RALYL: variants seen among roughly 807,000 people sequenced by gnomAD.
RALYL encodes the protein RALY RNA binding protein like, also known as RNA-binding Raly-like protein.
Under a neutral mutation model 35.1 loss-of-function variants are expected in RALYL, and 29 were observed. That is an observed-to-expected ratio of 0.83 (90% CI 0.61 to 1.13). RALYL has a LOEUF of 1.13. Among genes scored for constraint, RALYL ranks in the 50% most tolerant of loss-of-function variants. The pLI is 0.00. For missense variants in RALYL, 359 were observed against 360.4 expected (o/e 1.00, Z 0.03); for synonymous variants, 120 against 127.6 (o/e 0.94, Z 0.40).
intron 2 of RALYL, among the ~76,000 whole-genome samples, chr8:84,561,287 T>C (rs1007582397): frequency 2.2e-4 from 34 of 151,934 alleles, no homozygotes; most frequent in African/African-American, 7.7e-4. Context: ...AAGTATAATA[T>C]ATAGGAACAG....
chr8:84,467,849 T>A (rs1459990926), intron 1 of RALYL, among the ~76,000 whole-genome samples: 1 of 138,234 alleles, frequency 7.2e-6, no homozygotes, highest in African/African-American at 2.8e-5. Flanking sequence ...CATATATATT[T>A]AGGATAGTTA....
intron 1 of RALYL, among the ~76,000 whole-genome samples, chr8:84,390,057 C>CAT (rs1860263270): frequency 6.6e-6 from 1 of 152,006 alleles, no homozygotes; most frequent in Non-Finnish European, 1.5e-5. Flanking sequence ...GCATGAAGGG[C>CAT]TGTTGAATTT....
chr8:84,319,858 T>C (rs1844465605), intron 1 of RALYL, among the ~76,000 whole-genome samples: 1 of 126,754 alleles, frequency 7.9e-6, no homozygotes, highest in African/African-American at 2.6e-5. Flanking sequence ...TAGTCATAAT[T>C]TTTTTTCAAA....
intron 1 of RALYL, among the ~76,000 whole-genome samples, chr8:84,442,415 G>C (rs180907521): frequency 3.3e-5 from 5 of 152,012 alleles, no homozygotes; most frequent in East Asian, 3.9e-4. Flanking sequence ...TTTATACAAC[G>C]TTTATTGTCT....
At chr8:84,462,230 C>G (rs965575174) in intron 1 of RALYL, among the ~76,000 whole-genome samples, 1 of 150,840 alleles carries the variant, frequency 6.6e-6, no homozygotes, top group African/African-American at 2.4e-5. Context: ...TATTTGTCAT[C>G]TGTTTATCTT....
intron 1 of RALYL, among the ~76,000 whole-genome samples, chr8:84,371,885 C>T (rs1855802846): frequency 6.6e-6 from 1 of 152,042 alleles, no homozygotes; most frequent in Non-Finnish European, 1.5e-5. Context: ...ATAACACAAA[C>T]ACACATGCAG....
At chr8:84,428,252 T>C (rs1001995838) in intron 1 of RALYL, among the ~76,000 whole-genome samples, 19 of 152,170 alleles carry the variant, frequency 1.2e-4, no homozygotes, top group African/African-American at 4.6e-4. Flanking sequence ...ACCTAGTTTG[T>C]TTCCCAAAGC....
At chr8:84,197,654 C>T (rs935632067) in intron 1 of RALYL, among the ~76,000 whole-genome samples, 1 of 151,780 alleles carries the variant, frequency 6.6e-6, no homozygotes, top group African/African-American at 2.4e-5. Context: ...TGGGGCCGGG[C>T]GCGGTGGCTC....
intron 2 of RALYL, among the ~76,000 whole-genome samples, chr8:84,614,802 G>C (rs879712143): frequency 1.6e-5 from 1 of 63,974 alleles, no homozygotes; most frequent in African/African-American, 6.3e-5. Flanking sequence ...CATTTTCTTT[G>C]TTTGGAAACA....
At chr8:84,602,003 C>T (rs577874078) in intron 2 of RALYL, among the ~76,000 whole-genome samples, 10 of 152,168 alleles carry the variant, frequency 6.6e-5, no homozygotes, top group African/African-American at 2.2e-4. Flanking sequence ...CCAAAGTTCC[C>T]TTCTTGTCTC....
chr8:84,433,059 A>T, intron 1 of RALYL, among the ~76,000 whole-genome samples: 1 of 152,252 alleles, frequency 6.6e-6, no homozygotes, highest in South Asian at 2.1e-4. Context: ...CTCAAAAGCG[A>T]TTGTTCCTAT....
chr8:84,543,147 T>C (rs1002749422), intron 2 of RALYL, among the ~76,000 whole-genome samples: 5 of 152,124 alleles, frequency 3.3e-5, no homozygotes, highest in African/African-American at 9.7e-5. Flanking sequence ...TCAGGTGGAA[T>C]TTTTTAAAGA....
At chr8:84,604,940 T>C (rs1277510819) in intron 2 of RALYL, among the ~76,000 whole-genome samples, 1 of 151,696 alleles carries the variant, frequency 6.6e-6, no homozygotes, top group African/African-American at 2.4e-5. Context: ...GATTTGGTAG[T>C]TTTGAAACTA....
At chr8:84,544,837 T>C (rs984008012) in intron 2 of RALYL, among the ~76,000 whole-genome samples, 1 of 152,094 alleles carries the variant, frequency 6.6e-6, no homozygotes, top group African/African-American at 2.4e-5. Context: ...CAACACAAAA[T>C]ATATTTGTAA....
At chr8:84,648,057 G>A (rs1325533293) in intron 2 of RALYL, among the ~76,000 whole-genome samples, 1 of 152,060 alleles carries the variant, frequency 6.6e-6, no homozygotes, top group African/African-American at 2.4e-5. Context: ...TAGTACCACA[G>A]AATATTGTGT....
At chr8:84,569,590 A>G (rs1220327376) in intron 2 of RALYL, among the ~76,000 whole-genome samples, 1 of 151,838 alleles carries the variant, frequency 6.6e-6, no homozygotes, top group Non-Finnish European at 1.5e-5. Flanking sequence ...TTCCAGTTTA[A>G]TTAACTGTCA....
At chr8:84,384,447 G>A (rs985728226) in intron 1 of RALYL, among the ~76,000 whole-genome samples, 2 of 151,562 alleles carry the variant, frequency 1.3e-5, no homozygotes, top group African/African-American at 2.4e-5. Flanking sequence ...TTTAATCAAC[G>A]ACAAATGCAT....
chr8:84,324,533 G>C (rs1262398007), intron 1 of RALYL, among the ~76,000 whole-genome samples: 1 of 151,434 alleles, frequency 6.6e-6, no homozygotes, highest in Non-Finnish European at 1.5e-5. Context: ...TCATTACGAG[G>C]AATATATTCC....
chr8:84,818,774 A>C (rs1037811603), intron 4 of RALYL, among the ~76,000 whole-genome samples: 1 of 152,214 alleles, frequency 6.6e-6, no homozygotes, highest in African/African-American at 2.4e-5. Context: ...TGACTTGAAA[A>C]GATGCAGGAC....
Sources: allele counts gnomAD v4.1 joint callset (sites outside exome capture counted in the v4.1 genomes callset), GRCh38; gene constraint gnomAD v4.1.1; transcripts MANE v1.5; gene names NCBI Gene and HGNC (gene_info 2026-07-23, HGNC 2026-07-21).